The following TMEM272 variants were observed in gnomAD, a reference collection of about 807,000 sequenced individuals.
The protein encoded by TMEM272 is long intergenic non-protein coding RNA 282.
A neutral mutation model predicts 3.7 loss-of-function variants in TMEM272; 8 were observed. That is an observed-to-expected ratio of 2.17 (90% CI 1.27 to 3.91). The LOEUF (loss-of-function observed/expected upper bound fraction) is 3.91. Among genes scored for constraint, TMEM272 ranks in the 30% most tolerant of loss-of-function variants. The probability of loss-of-function intolerance (pLI) is 0.00; values close to 1 mark genes in which losing one functional copy is unlikely to be tolerated. For missense variants in TMEM272, 166 were observed against 91.5 expected (o/e 1.81, Z -3.32); for synonymous variants, 63 against 39.8 (o/e 1.58, Z -2.20).
intron 3 of TMEM272, among the ~76,000 whole-genome samples, chr13:51,823,918 T>C (rs1956101570): frequency 6.6e-6 from 1 of 152,234 alleles, no homozygotes; most frequent in African/African-American, 2.4e-5. Flanking sequence ...TGGAGGCTTG[T>C]CTTTTAGTTA....
At chr13:51,870,585 G>A in the TMEM272 span, among the ~76,000 whole-genome samples, 1 of 152,084 alleles carries the variant, frequency 6.6e-6, no homozygotes, top group Non-Finnish European at 1.5e-5. Flanking sequence ...AAATCCACAA[G>A]AACAAAAAGA....
the TMEM272 span, among the ~76,000 whole-genome samples, chr13:51,850,178 G>A: frequency 6.6e-6 from 1 of 152,126 alleles, no homozygotes; most frequent in Non-Finnish European, 1.5e-5. Flanking sequence ...ACAAATTTGG[G>A]GAGAACTGGC....
At chr13:51,881,752 G>T in the TMEM272 span, among the ~76,000 whole-genome samples, 2 of 152,158 alleles carry the variant, frequency 1.3e-5, no homozygotes, top group East Asian at 3.9e-4. Flanking sequence ...CACCACCTAT[G>T]AGCCAGGAAA....
the TMEM272 span, among the ~76,000 whole-genome samples, chr13:51,886,630 T>G: frequency 6.6e-6 from 1 of 152,204 alleles, no homozygotes; most frequent in Non-Finnish European, 1.5e-5. Flanking sequence ...TTTCTGAATT[T>G]TTTACATCAT....
chr13:51,891,578 G>C, the TMEM272 span, among the ~76,000 whole-genome samples: 3 of 152,176 alleles, frequency 2.0e-5, no homozygotes, highest in Non-Finnish European at 4.4e-5. Flanking sequence ...GGTGAGGAGG[G>C]GATTGGGGCT....
the TMEM272 span, chr13:51,908,696 T>C: frequency 0.015 from 21,411 of 1,443,178 alleles, 278 homozygotes; most frequent in East Asian, 0.033. Context: ...CCAAAGAAGG[T>C]ATATTAAAAC....
the TMEM272 span, among the ~76,000 whole-genome samples, chr13:51,871,292 A>G: frequency 6.7e-6 from 1 of 149,804 alleles, no homozygotes; most frequent in Non-Finnish European, 1.5e-5. Context: ...CTGAGTTCAC[A>G]CCATTCTCCT....
At chr13:51,830,570 G>A (rs750509153) in intron 2 of TMEM272, among the ~76,000 whole-genome samples, 3 of 152,116 alleles carry the variant, frequency 2.0e-5, no homozygotes, top group Admixed American at 6.5e-5. Flanking sequence ...GGCACTAAAC[G>A]CAGGGTCTGG....
At chr13:51,873,224 A>G in the TMEM272 span, among the ~76,000 whole-genome samples, 1 of 152,280 alleles carries the variant, frequency 6.6e-6, no homozygotes, top group South Asian at 2.1e-4. Context: ...AGCAACTGAG[A>G]GAAAAACAAC....
chr13:51,875,111 A>T, the TMEM272 span, among the ~76,000 whole-genome samples: 1 of 152,244 alleles, frequency 6.6e-6, no homozygotes, highest in Non-Finnish European at 1.5e-5. Context: ...ACAGTTGCTC[A>T]TGTTGGTTGA....
chr13:51,878,204 G>A, the TMEM272 span, among the ~76,000 whole-genome samples: 2 of 152,176 alleles, frequency 1.3e-5, no homozygotes, highest in African/African-American at 2.4e-5. Flanking sequence ...GCCGAGGCGG[G>A]AGGATCATGA....
chr13:51,903,164 G>A, the TMEM272 span, among the ~76,000 whole-genome samples: 88 of 152,352 alleles, frequency 5.8e-4, 1 homozygote, highest in South Asian at 0.018. Flanking sequence ...TCCTTAGTGT[G>A]TGTATCCAGG....
chr13:51,865,667 G>A, the TMEM272 span: 1 of 1,614,224 alleles, frequency 6.2e-7, no homozygotes, highest in South Asian at 1.1e-5. Flanking sequence ...CTGGGAAGAG[G>A]AGAAAACCTT....
At chr13:51,908,823 C>T in the TMEM272 span, 113 of 1,437,674 alleles carry the variant, frequency 7.9e-5, 1 homozygote, top group Admixed American at 1.2e-4. Context: ...CATCATCCTA[C>T]GGTCCTGTTC....
intron 2 of TMEM272, among the ~76,000 whole-genome samples, chr13:51,835,306 C>A (rs1956206835): frequency 6.6e-6 from 1 of 151,610 alleles, no homozygotes; most frequent in Non-Finnish European, 1.5e-5. Context: ...CTCACTGCAA[C>A]CTCCACCTAC....
At chr13:51,880,818 T>C in the TMEM272 span, among the ~76,000 whole-genome samples, 2 of 152,150 alleles carry the variant, frequency 1.3e-5, no homozygotes, top group Non-Finnish European at 2.9e-5. Flanking sequence ...GGGTGAGGGA[T>C]AAAAGACTAC....
the TMEM272 span, among the ~76,000 whole-genome samples, chr13:51,857,656 G>A: frequency 6.6e-6 from 1 of 151,408 alleles, no homozygotes; most frequent in South Asian, 2.1e-4. Flanking sequence ...CATAATAGAG[G>A]AAAATGGAAT....
chr13:51,890,099 G>A, the TMEM272 span, among the ~76,000 whole-genome samples: 2 of 152,184 alleles, frequency 1.3e-5, no homozygotes, highest in Admixed American at 1.3e-4. Context: ...CTCAGAGTGA[G>A]CTACAAATGC....
the TMEM272 span, among the ~76,000 whole-genome samples, chr13:51,894,128 T>A: frequency 6.6e-6 from 1 of 152,190 alleles, no homozygotes; most frequent in Non-Finnish European, 1.5e-5. Context: ...ATCACAACTT[T>A]AGAGGTTAAA....
Sources: gnomAD v4.1 joint callset for allele counts (sites outside exome capture counted in the v4.1 genomes callset) on GRCh38, gnomAD v4.1.1 for gene constraint, MANE v1.5 for transcripts, NCBI Gene and HGNC (gene_info 2026-07-23, HGNC 2026-07-21) for gene names.